ZNF735: variants seen among roughly 807,000 people sequenced by gnomAD.
ZNF735 encodes the protein putative zinc finger protein 735.
ZNF735 carries 11 observed loss-of-function variants against 13.4 expected under a neutral mutation model. That is an observed-to-expected ratio of 0.82 (90% CI 0.52 to 1.36). ZNF735 has a LOEUF of 1.36. Ranked by LOEUF, ZNF735 falls within the 40% of genes most tolerant of loss-of-function variation. The probability of loss-of-function intolerance (pLI) is 0.00; values close to 1 mark genes in which losing one functional copy is unlikely to be tolerated. For missense variants in ZNF735, 500 were observed against 484.6 expected (o/e 1.03, Z -0.30); for synonymous variants, 171 against 162.6 (o/e 1.05, Z -0.39).
At chr7:64,210,493 G>C (rs1024377888) in intron 1 of ZNF735, among the ~76,000 whole-genome samples, 1 of 152,190 alleles carries the variant, frequency 6.6e-6, no homozygotes, top group Non-Finnish European at 1.5e-5. Context: ...GGATCCTGCA[G>C]AATCACTTTG....
intron 3 of ZNF735, among the ~76,000 whole-genome samples, chr7:64,216,630 G>T (rs1216835650): frequency 4.0e-5 from 6 of 150,980 alleles, no homozygotes; most frequent in Non-Finnish European, 7.4e-5. Context: ...TTGACACAGG[G>T]TTTCTCACTC....
chr7:64,213,931 C>T, intron 2 of ZNF735, 82 bp from the exon 3 acceptor site: 1 of 1,304,974 alleles, frequency 7.7e-7, no homozygotes, highest in Non-Finnish European at 1.0e-6. Context: ...TGCACTCCAG[C>T]CTGAGCGACA....
chr7:64,211,676 C>T (rs1233374137), intron 1 of ZNF735, among the ~76,000 whole-genome samples: 2 of 151,714 alleles, frequency 1.3e-5, no homozygotes, highest in Non-Finnish European at 2.9e-5. Context: ...CCCGCCTGGC[C>T]AACCTGGTGA....
At chr7:64,218,053 T>C (rs1174249089) in intron 3 of ZNF735, among the ~76,000 whole-genome samples, 1 of 152,170 alleles carries the variant, frequency 6.6e-6, no homozygotes, top group East Asian at 1.9e-4. Context: ...ATGATCTTTT[T>C]TCATTATATT....
At chr7:64,208,745 A>G (rs1411733068) in intron 1 of ZNF735, among the ~76,000 whole-genome samples, 2 of 152,154 alleles carry the variant, frequency 1.3e-5, no homozygotes, top group African/African-American at 4.8e-5. Context: ...ACTGAGCCTC[A>G]GTGTCTGTTG....
chr7:64,211,750 C>T (rs553638829), intron 1 of ZNF735, among the ~76,000 whole-genome samples: 1 of 151,686 alleles, frequency 6.6e-6, no homozygotes, highest in South Asian at 2.1e-4. Context: ...CCTGTAATCC[C>T]AGCTACTTGG....
rs1270116074 is a variant in ZNF735, at chr7:64,219,731, G to A, written c.680G>A (p.Ser227Asn). 2.5e-6 allele frequency: 4 copies of A among 1,602,340 alleles called. No homozygotes were observed. The highest frequency in any genetic ancestry group is 3.3e-4 in the Middle Eastern group (2 of 6,046). ...GGCAAATCCTTTAACCACTCCTCAA[G>A]CGGTACTACACATAAAAGAATTCTT... is the stretch of plus-strand genomic sequence containing the variant. Residue 227 changes from serine to asparagine, a missense_variant, in exon 4 of 4, where the codon AGC becomes AAC. Physicochemically the swap from Ser to Asn is conservative, Grantham distance 46. Transcript: ENST00000429565.
intron 1 of ZNF735, among the ~76,000 whole-genome samples, chr7:64,208,499 T>G (rs1005339973): frequency 1.3e-5 from 2 of 152,050 alleles, no homozygotes; most frequent in Middle Eastern, 3.4e-3. Flanking sequence ...TCAGGTGATC[T>G]GCCTGCCTCA....
rs1320574312 is a variant in ZNF735, at chr7:64,213,224, G to A, written c.166+6G>A. 26 of 1,590,502 alleles carry A rather than the reference G, an allele frequency of 1.6e-5. No homozygotes were observed. Among genetic ancestry groups the A allele is most frequent in the Middle Eastern group, 1.7e-4 (1 of 5,940 alleles). On this transcript the variant is annotated splice_donor_region_variant and intron_variant, in intron 2 of 3. Transcript: ENST00000429565. ...CAGAAACCTGTTCTCCCTGGGTGAG[G>A]TTAACCTCAATACATAATTCCTAAT...
rs12532400 is a variant in ZNF735 at position 64,216,242 on chromosome 7, G to A, written c.262+2134G>A. Among the ~76,000 whole-genome samples the A allele has an allele frequency of 3.1e-3, 471 of 151,468 alleles. 5 individuals are homozygous for A. Among genetic ancestry groups the A allele is most frequent in the Admixed American group, 0.022 (339 of 15,200 alleles). On this transcript the variant is annotated intron_variant, in intron 3 of 3. Transcript: ENST00000429565. ...ACCCAGGAGGTGGCGCTTGCAGTGA[G>A]CCAAGATCGCACCACTTCACTCCAG...
chr7:64,209,076 G>A (rs113681090), intron 1 of ZNF735, among the ~76,000 whole-genome samples: 5,926 of 152,248 alleles, frequency 0.039, 184 homozygotes, highest in East Asian at 0.16. Context: ...TTTATTGGGT[G>A]TATTCCCAAT....
At chr7:64,217,653 C>T in intron 3 of ZNF735, among the ~76,000 whole-genome samples, 1 of 151,880 alleles carries the variant, frequency 6.6e-6, no homozygotes, top group Middle Eastern at 3.4e-3. Context: ...TTACAGATTC[C>T]TAGTAAATGG....
chr7:64,217,168 C>T lies in ZNF735; in HGVS notation c.263-2146C>T, dbSNP rs965895660. Among the ~76,000 whole-genome samples the T allele has an allele frequency of 5.3e-5, 8 of 152,140 alleles. No homozygotes were observed. In the East Asian group the frequency reaches 7.7e-4, roughly 15 times the overall value. The stretch of plus-strand genomic sequence containing the variant: ...ACTTGGCACAATCATAGAGTTCTCA[C>T]ACTATTAATTCACATGAGAGCTGGT... On this transcript the variant is annotated intron_variant, in intron 3 of 3. Transcript: ENST00000429565.
exon 4 of ZNF735, chr7:64,219,618 A>C: frequency 6.3e-7 from 1 of 1,576,710 alleles, no homozygotes; most frequent in Non-Finnish European, 8.6e-7. Context: ...AATGTAAAAA[A>C]TATGGCAAAT....
At chr7:64,213,018 G>A in intron 1 of ZNF735, 74 bp from the exon 2 acceptor site, 1 of 1,454,632 alleles carries the variant, frequency 6.9e-7, no homozygotes. Flanking sequence ...TTTTTAACTT[G>A]AGTCAAATAA....
exon 4 of ZNF735, chr7:64,219,898 A>T (rs779997565): frequency 1.7e-5 from 27 of 1,613,502 alleles, no homozygotes; most frequent in African/African-American, 5.3e-5. Flanking sequence ...GCGCTCCTCA[A>T]CACTTACTAA....
At chr7:64,216,648 C>T (rs565947370) in intron 3 of ZNF735, among the ~76,000 whole-genome samples, 65 of 151,906 alleles carry the variant, frequency 4.3e-4, no homozygotes, top group Admixed American at 1.6e-3. Context: ...CTCTGTTGCC[C>T]AGACTGTAGT....
At chr7:64,212,415 G>A (rs1787370872) in intron 1 of ZNF735, among the ~76,000 whole-genome samples, 2 of 152,304 alleles carry the variant, frequency 1.3e-5, no homozygotes, top group South Asian at 4.1e-4. Context: ...TTAGACTTAA[G>A]AGGTACCTTC....
chr7:64,219,602 A>G (rs1178453804), exon 4 of ZNF735: 1 of 1,575,830 alleles, frequency 6.3e-7, no homozygotes, highest in Non-Finnish European at 8.6e-7. Context: ...GGAAAGAAAC[A>G]TTTGAAATGT....
Sources: allele counts gnomAD v4.1 joint callset (sites outside exome capture counted in the v4.1 genomes callset), GRCh38; gene constraint gnomAD v4.1.1; transcripts MANE v1.5; gene names NCBI Gene and HGNC (gene_info 2026-07-23, HGNC 2026-07-21).